Variants in MIR2052HG observed in about 807,000 individuals in gnomAD.
The protein encoded by MIR2052HG is MIR2052 host gene.
At chr8:74,734,329 T>G (rs1809725244) in intron 4 of MIR2052HG, among the ~76,000 whole-genome samples, 1 of 152,218 alleles carries the variant, frequency 6.6e-6, no homozygotes, top group Admixed American at 6.5e-5. Context: ...ATCTAACATA[T>G]GCACAGTTTT....
In MIR2052HG at chr8:74,636,937, C is replaced by T. The variant is rs979422828; in HGVS notation, n.216+23997C>T. Among the ~76,000 whole-genome samples the T allele has an allele frequency of 5.9e-5, 9 of 152,110 alleles. No individual in the cohort carries two copies. In the East Asian group the frequency reaches 1.3e-3, roughly 23 times the overall value. ...GTCTGCATTTCTAATATGCTCACAGCTATGTTGGTAGAGGGACCACACTTT... is the reference window on the plus strand; with the variant it reads ...GTCTGCATTTCTAATATGCTCACAGTTATGTTGGTAGAGGGACCACACTTT... On this transcript the variant is annotated intron_variant and non_coding_transcript_variant, in intron 2 of 6. Transcript: ENST00000523442.
intron 2 of MIR2052HG, among the ~76,000 whole-genome samples, chr8:74,630,331 T>C (rs1176264243): frequency 6.6e-6 from 1 of 152,014 alleles, no homozygotes; most frequent in Non-Finnish European, 1.5e-5. Flanking sequence ...CTGCTGCTCT[T>C]TCTGGATATT....
intron 4 of MIR2052HG, among the ~76,000 whole-genome samples, chr8:74,745,226 G>C (rs1016979847): frequency 2.0e-5 from 3 of 152,164 alleles, no homozygotes; most frequent in African/African-American, 7.2e-5. Flanking sequence ...TTGTTCCACT[G>C]CACTCCAGTC....
Position 74,657,680 on chromosome 8 carries a change from G to A in MIR2052HG, n.217-44699G>A, listed in dbSNP as rs1318764617. On this transcript the variant is annotated intron_variant and non_coding_transcript_variant, in intron 2 of 6. Transcript: ENST00000523442. Reference sequence around the variant, plus strand: ...GCATGTCTCACATGGCAGCAGACAAGAGAGGAGATCTTGCCCAGGGAAACT... The same window carrying A: ...GCATGTCTCACATGGCAGCAGACAAAAGAGGAGATCTTGCCCAGGGAAACT... Among the ~76,000 whole-genome samples, 4 of 152,206 alleles carry A rather than the reference G, an allele frequency of 2.6e-5. No individual in the cohort carries two copies. The East Asian group carries it at 5.8e-4, about 22-fold the overall frequency.
At chr8:74,750,112 G>A (rs1047171613) in intron 4 of MIR2052HG, among the ~76,000 whole-genome samples, 1 of 152,152 alleles carries the variant, frequency 6.6e-6, no homozygotes, top group African/African-American at 2.4e-5. Context: ...AAAAGTAATT[G>A]TTTCATTTTG....
chr8:74,745,007 G>A (rs1427811598), intron 4 of MIR2052HG, among the ~76,000 whole-genome samples: 4 of 152,138 alleles, frequency 2.6e-5, no homozygotes, highest in Non-Finnish European at 5.9e-5. Context: ...GATCATTCCT[G>A]TAATCTCAGC....
intron 1 of MIR2052HG, among the ~76,000 whole-genome samples, chr8:74,611,127 C>A (rs1808188531): frequency 6.6e-6 from 1 of 151,786 alleles, no homozygotes; most frequent in Non-Finnish European, 1.5e-5. Context: ...TTTCAAAACT[C>A]AATAATAAAA....
At chr8:74,687,469 A>AT (rs984315971) in intron 2 of MIR2052HG, among the ~76,000 whole-genome samples, 3 of 152,154 alleles carry the variant, frequency 2.0e-5, no homozygotes, top group African/African-American at 7.2e-5. Flanking sequence ...AGATGAATAG[A>AT]TAAAGAAAAT....
intron 4 of MIR2052HG, among the ~76,000 whole-genome samples, chr8:74,723,672 G>T (rs1809602667): frequency 6.6e-6 from 1 of 152,146 alleles, no homozygotes. Flanking sequence ...TGGCCATCTT[G>T]CACATTTCTC....
chr8:74,673,607 T>C (rs187696635), intron 2 of MIR2052HG, among the ~76,000 whole-genome samples: 3 of 152,102 alleles, frequency 2.0e-5, no homozygotes, highest in Admixed American at 6.6e-5. Context: ...ACAAATTTTA[T>C]ATATATGTGG....
chr8:74,655,739 T>C (rs1487743611), intron 2 of MIR2052HG, among the ~76,000 whole-genome samples: 3 of 152,040 alleles, frequency 2.0e-5, no homozygotes, highest in Non-Finnish European at 4.4e-5. Context: ...CAAACACACA[T>C]AGCATCCATA....
At chr8:74,736,527 CT>C (rs1430504703) in intron 4 of MIR2052HG, among the ~76,000 whole-genome samples, 1 of 152,080 alleles carries the variant, frequency 6.6e-6, no homozygotes, top group Non-Finnish European at 1.5e-5. Flanking sequence ...AACTTTAGCT[CT>C]GAGTAAAGGG....
intron 4 of MIR2052HG, among the ~76,000 whole-genome samples, chr8:74,721,620 A>G (rs948224577): frequency 2.0e-5 from 3 of 152,218 alleles, no homozygotes; most frequent in African/African-American, 7.2e-5. Flanking sequence ...CTCCAGAAGA[A>G]TAGCCTTCTT....
intron 4 of MIR2052HG, among the ~76,000 whole-genome samples, chr8:74,715,518 C>A (rs1809511268): frequency 6.6e-6 from 1 of 152,082 alleles, no homozygotes; most frequent in African/African-American, 2.4e-5. Context: ...TAGAAAAATC[C>A]CATTCTGTTT....
At chr8:74,620,569 G>A (rs1289673112) in intron 2 of MIR2052HG, among the ~76,000 whole-genome samples, 1 of 152,258 alleles carries the variant, frequency 6.6e-6, no homozygotes, top group Admixed American at 6.5e-5. Context: ...TGTGTAAGCT[G>A]CCAAAGCTTG....
chr8:74,679,853 A>G (rs1563530286), intron 2 of MIR2052HG, among the ~76,000 whole-genome samples: 2 of 152,028 alleles, frequency 1.3e-5, no homozygotes, highest in African/African-American at 4.8e-5. Context: ...CCTGGTTACA[A>G]TTCTTAACAG....
chr8:74,602,817 G>GTGTGTTTCTTTCTTTCTTTC (rs1808022626), intron 1 of MIR2052HG, among the ~76,000 whole-genome samples: 1 of 73,786 alleles, frequency 1.4e-5, no homozygotes, highest in South Asian at 4.1e-4. Flanking sequence ...GCCCGGCCGT[G>GTGTGTTTCTTTCTTTCTTTC]TTTCTTTCTT....
chr8:74,705,229 T>A (rs1482774607), intron 4 of MIR2052HG, among the ~76,000 whole-genome samples: 2 of 152,014 alleles, frequency 1.3e-5, no homozygotes, highest in African/African-American at 4.8e-5. Flanking sequence ...TAGGAAAAAA[T>A]TATTTAATTG....
At chr8:74,617,382 G>A (rs914646914) in intron 2 of MIR2052HG, among the ~76,000 whole-genome samples, 2 of 151,894 alleles carry the variant, frequency 1.3e-5, no homozygotes, top group African/African-American at 2.4e-5. Context: ...TTAGGATAAT[G>A]GCCTCAAGTT....
Sources: gnomAD v4.1 joint callset for allele counts (sites outside exome capture counted in the v4.1 genomes callset) on GRCh38, gnomAD v4.1.1 for gene constraint, MANE v1.5 for transcripts, NCBI Gene and HGNC (gene_info 2026-07-23, HGNC 2026-07-21) for gene names.